The following NUDT1 variants were observed in gnomAD, a reference collection of about 807,000 sequenced individuals.
The protein encoded by NUDT1 is oxidized purine nucleoside triphosphate hydrolase.
A neutral mutation model predicts 11.3 loss-of-function variants in NUDT1; 16 were observed. The ratio of observed to expected loss-of-function variants is 1.41; its 90% CI spans 0.96 to 2.15. The LOEUF is 2.15. Among genes scored for constraint, NUDT1 ranks in the 30% most tolerant of loss-of-function variants. The pLI is 0.00. For missense variants in NUDT1, 234 were observed against 208.4 expected, an observed-to-expected ratio of 1.12 and a Z score of -0.76; for synonymous variants, 101 against 84.4, an observed-to-expected ratio of 1.20 and a Z score of -1.08.
chr7:2,244,188 C>T (rs1018835953), intron 1 of NUDT1, among the ~76,000 whole-genome samples: 22 of 152,168 alleles, frequency 1.4e-4, no homozygotes, highest in Admixed American at 1.4e-3. Context: ...GGCACGGGGA[C>T]TGTTGTTCCT....
intron 1 of NUDT1, among the ~76,000 whole-genome samples, chr7:2,244,143 C>T (rs1794670882): frequency 6.6e-6 from 1 of 152,226 alleles, no homozygotes; most frequent in Admixed American, 6.5e-5. Context: ...CTGAGGACCA[C>T]AGGATAAACT....
intron 1 of NUDT1, among the ~76,000 whole-genome samples, chr7:2,243,564 G>C (rs942713353): frequency 7.4e-5 from 11 of 149,114 alleles, no homozygotes; most frequent in African/African-American, 2.9e-4. Flanking sequence ...CTTGAGCTCA[G>C]GAGTTCGTGA....
intron 2 of NUDT1, among the ~76,000 whole-genome samples, chr7:2,247,653 G>C (rs1012791744): frequency 6.6e-6 from 1 of 152,194 alleles, no homozygotes; most frequent in Non-Finnish European, 1.5e-5. Context: ...CTGGGGAACC[G>C]AGTGCCATGG....
chr7:2,249,985 C>T lies in NUDT1; in HGVS notation c.281C>T (p.Thr94Ile), dbSNP rs370355629. 16 of 1,614,074 alleles carry T rather than the reference C, an allele frequency of 9.9e-6. No individual in the cohort carries two copies. The highest frequency in any genetic ancestry group is 9.3e-5 in the African/African-American group (7 of 75,054). The change falls in exon 3 of 4, where the codon ACC (threonine) becomes ATC (isoleucine). Residue 94 changes from threonine to isoleucine, a missense_variant. Thr to Ile is a moderately conservative substitution (Grantham distance 89, BLOSUM62 -1). Coordinates refer to ENST00000356714, the MANE Select transcript of NUDT1 (RefSeq NM_002452.4). ...HVFCTDSIQG[T>I]PVESDEMRPC... ...TTCTGCACAGACAGCATCCAGGGGA[C>T]CCCCGTGGAGAGCGACGGTGAGTCT...
In NUDT1 at chr7:2,243,129, T is replaced by C. The variant is rs1227436749; in HGVS notation, c.-13+873T>C. ...CCTGCCAAACTCATGGTTCCATCAG[T>C]TGATGGCCTGCTGGTGCCTGTTGGT... On this transcript the variant is annotated intron_variant, in intron 1 of 3. Transcript: ENST00000356714. 3.1e-5 allele frequency: 20 copies of C among 645,452 alleles called. No individual in the cohort carries two copies. The Admixed American group carries it at 4.4e-4, about 14-fold the overall frequency. The allele number at this position is 645,452 out of a possible 1,614,324, so 40.0% of individuals were successfully genotyped here. A position where few individuals can be genotyped will look rare whatever the true frequency, so the allele number is the denominator to read the frequency against.
Position 2,250,862 on chromosome 7 carries a change from T to G in NUDT1, c.332T>G (p.Ile111Ser). ...CCATGCTGGTTCCAGCTGGATCAGA[T>G]CCCCTTCAAGGACATGTGGCCCGAC... ...MRPCWFQLDQ[I>S]PFKDMWPDDS... The change falls in exon 4 of 4, where the codon ATC becomes AGC. Residue 111 changes from isoleucine to serine, a missense_variant. Physicochemically the swap from Ile to Ser is moderately radical, Grantham distance 142 (BLOSUM62 -2). Coordinates refer to ENST00000356714, the MANE Select transcript of NUDT1 (RefSeq NM_002452.4). 6.2e-7 allele frequency: 1 copy of G among 1,614,134 alleles called. No homozygotes were observed. Among genetic ancestry groups the G allele is most frequent in the Non-Finnish European group, 8.5e-7 (1 of 1,180,012 alleles).
At chr7:2,244,400 TC>T in intron 1 of NUDT1, 162 bp from the exon 2 acceptor site, 1 of 649,938 alleles carries the variant, frequency 1.5e-6, no homozygotes, top group Admixed American at 3.1e-5. Context: ...ATGGCAGTTT[TC>T]CACCTGCCAC....
chr7:2,250,087 T>C, intron 3 of NUDT1, 85 bp downstream of exon 3: 4 of 1,565,638 alleles, frequency 2.6e-6, no homozygotes, highest in Non-Finnish European at 2.6e-6. Flanking sequence ...CCAAACCATC[T>C]CTGAGTGCCA....
intron 3 of NUDT1, among the ~76,000 whole-genome samples, 164 bp from the exon 4 acceptor site, chr7:2,250,665 A>G (rs1255170653): frequency 6.8e-5 from 8 of 117,204 alleles, no homozygotes; most frequent in South Asian, 2.7e-4. Flanking sequence ...TCACCGTGTT[A>G]GCCAGGATGG....
Position 2,250,947 on chromosome 7 carries a change from C to G in NUDT1, c.417C>G (p.Phe139Leu), listed in dbSNP as rs138059598. The change falls in exon 4 of 4, where the codon TTC becomes TTG. Residue 139 changes from phenylalanine (F) to leucine (L), a missense_variant. Transcript: ENST00000356714. ...AGAAATTCCACGGGTACTTCAAGTT[C>G]CAGGGTCAGGACACCATCCTGGACT... The part of the protein sequence containing the change: ...QKKKFHGYFK[F>L]QGQDTILDYT... 5.0e-6 allele frequency: 8 copies of G among 1,613,882 alleles called. No individual in the cohort carries two copies. The African/African-American group carries it at 9.3e-5, about 19-fold the overall frequency.
intron 1 of NUDT1, among the ~76,000 whole-genome samples, chr7:2,243,277 CA>C (rs1363476451): frequency 6.6e-6 from 1 of 152,062 alleles, no homozygotes; most frequent in South Asian, 2.1e-4. Context: ...AACATTTGGG[CA>C]AAAAAACAGA....
chr7:2,245,139 A>G (rs1001566991), intron 2 of NUDT1, among the ~76,000 whole-genome samples: 1 of 152,132 alleles, frequency 6.6e-6, no homozygotes, highest in African/African-American at 2.4e-5. Flanking sequence ...GATCGCTTTC[A>G]TCTCACACTC....
chr7:2,245,715 C>T (rs1032081633), intron 2 of NUDT1, among the ~76,000 whole-genome samples: 17 of 152,156 alleles, frequency 1.1e-4, no homozygotes, highest in Admixed American at 1.0e-3. Flanking sequence ...CATGCCACCA[C>T]GCTCAGTTCG....
At chr7:2,250,703 C>T (rs1172306066) in intron 3 of NUDT1, 126 bp from the exon 4 acceptor site, 3 of 707,242 alleles carry the variant, frequency 4.2e-6, no homozygotes, top group African/African-American at 3.4e-5. Context: ...CGTGATCCTC[C>T]CGCCTCGGCC....
At chr7:2,248,323 G>A (rs1439790399) in intron 2 of NUDT1, among the ~76,000 whole-genome samples, 2 of 152,200 alleles carry the variant, frequency 1.3e-5, no homozygotes, top group African/African-American at 4.8e-5. Flanking sequence ...CTGAGGGACT[G>A]AGCAAGAACC....
rs548810182 is a variant in NUDT1, at chr7:2,246,804, C to T, written c.152+2078C>T. Among the ~76,000 whole-genome samples the T allele has an allele frequency of 8.5e-5, 13 of 152,208 alleles. No individual in the cohort carries two copies. In the South Asian group the frequency reaches 1.5e-3, roughly 17 times the overall value. On this transcript the variant is annotated intron_variant, in intron 2 of 3. Coordinates refer to ENST00000356714, the MANE Select transcript of NUDT1 (RefSeq NM_002452.4). ...TCCATCCTCGGGTGTAACCTGGAGA[C>T]GGGGGTTTCACCATGTTGGCCAGGC...
downstream of NUDT1, chr7:2,251,145 G>GTTT: frequency 1.5e-6 from 1 of 651,730 alleles, no homozygotes; most frequent in Admixed American, 3.1e-5. Flanking sequence ...ATCTAGCGGT[G>GTTT]GTTTTTTTTT....
Position 2,251,018 on chromosome 7 carries a change from C to G in NUDT1, c.*17C>G, listed in dbSNP as rs761944519. 6.2e-7 allele frequency: 1 copy of G among 1,612,680 alleles called. No homozygotes were observed. The highest frequency in any genetic ancestry group is 8.5e-7 in the Non-Finnish European group (1 of 1,179,316). On this transcript the variant is annotated 3_prime_UTR_variant, in exon 4 of 4. Transcript: ENST00000356714. ...ACGGTCTAGCGGGAGCCCAGGGCAG[C>G]CCCTGGGCAGGAGACGTGGCTGCTG...
chr7:2,242,438 G>T (rs1187277217), intron 1 of NUDT1, 182 bp downstream of exon 1: 1 of 504,880 alleles, frequency 2.0e-6, no homozygotes, highest in Non-Finnish European at 3.5e-6. Flanking sequence ...AGCGGGGCCG[G>T]GGGTTTGGGA....
Sources: allele counts gnomAD v4.1 joint callset (sites outside exome capture counted in the v4.1 genomes callset), GRCh38; gene constraint gnomAD v4.1.1; transcripts MANE v1.5; gene names NCBI Gene and HGNC (gene_info 2026-07-23, HGNC 2026-07-21).